COL15A1: variants seen among roughly 807,000 people sequenced by gnomAD.
COL15A1 encodes collagen type XV alpha 1 chain, also known as collagen alpha-1(XV) chain.
In COL15A1, 111 loss-of-function variants were observed where a neutral mutation model predicts 165.9. The ratio of observed to expected loss-of-function variants is 0.67; its 90% CI spans 0.57 to 0.78. The LOEUF (loss-of-function observed/expected upper bound fraction) is 0.78. Ranked by LOEUF, COL15A1 falls within the 30% of genes least tolerant of loss-of-function variation. The pLI is 0.00. For synonymous variants in COL15A1, 659 were observed against 674.8 expected (o/e 0.98, Z 0.36); for missense variants, 1,745 against 1,789.7 (o/e 0.98, Z 0.45).
chr9:99,015,378 G>A (rs1405552838), intron 9 of COL15A1, 39 bp from the exon 10 acceptor site: 6 of 1,530,834 alleles, frequency 3.9e-6, no homozygotes, highest in Non-Finnish European at 5.4e-6. Flanking sequence ...CAGGGGCATG[G>A]GCGAAGGGGC....
intron 2 of COL15A1, among the ~76,000 whole-genome samples, chr9:98,970,351 C>T (rs531962401): frequency 1.3e-5 from 2 of 152,334 alleles, no homozygotes; most frequent in African/African-American, 2.4e-5. Flanking sequence ...ACCCCAAGTC[C>T]ATAATTCTAG....
At chr9:99,022,636 A>C (rs1013681086) in intron 13 of COL15A1, among the ~76,000 whole-genome samples, 5 of 151,874 alleles carry the variant, frequency 3.3e-5, no homozygotes, top group Non-Finnish European at 7.4e-5. Context: ...CCCTTCCCCC[A>C]CACACATGTT....
chr9:98,955,952 G>C (rs1837769425), intron 2 of COL15A1, among the ~76,000 whole-genome samples: 1 of 152,238 alleles, frequency 6.6e-6, no homozygotes, highest in South Asian at 2.1e-4. Flanking sequence ...GCCAGGTCTA[G>C]AACCAGGTAT....
intron 21 of COL15A1, 90 bp downstream of exon 21, chr9:99,036,486 C>A: frequency 1.4e-6 from 2 of 1,395,400 alleles, no homozygotes; most frequent in Non-Finnish European, 2.0e-6. Context: ...AAGCTTCTGG[C>A]TATGCAGGAG....
At chr9:99,035,549 T>C (rs1357173384) in intron 19 of COL15A1, 131 bp downstream of exon 19, 2 of 1,079,204 alleles carry the variant, frequency 1.9e-6, no homozygotes, top group African/African-American at 1.6e-5. Flanking sequence ...CCCCCAACTG[T>C]GCAATAGGGA....
At position 99,004,778 on chromosome 9, in the gene COL15A1, T is replaced by C. The variant is rs975863188; in HGVS notation, c.1201-120T>C. On this transcript the variant is annotated intron_variant, in intron 8 of 41. Transcript: ENST00000375001. ...TCTGATGTCTCACTGTGGGTTTCCA[T>C]GTGAAGTGAGGTCTTGGTGTGCAGG... The C allele has an allele frequency of 1.5e-5, 16 of 1,086,248 alleles. No homozygotes were observed. The African/African-American group carries it at 1.9e-4, about 13-fold the overall frequency. The allele number at this position is 1,086,248 out of a possible 1,614,324, so 67.3% of individuals were successfully genotyped here.
At chr9:98,945,397 C>G (rs1837562529) in intron 2 of COL15A1, among the ~76,000 whole-genome samples, 1 of 152,236 alleles carries the variant, frequency 6.6e-6, no homozygotes. Flanking sequence ...TCAGCTCTTT[C>G]TCCATGCAGT....
chr9:99,049,234 T>G (rs1374027175), intron 28 of COL15A1, among the ~76,000 whole-genome samples: 1 of 152,224 alleles, frequency 6.6e-6, no homozygotes, highest in Non-Finnish European at 1.5e-5. Flanking sequence ...AACAAGAGTT[T>G]TGCATTTATG....
At chr9:99,013,899 TA>T (rs962511657) in intron 9 of COL15A1, among the ~76,000 whole-genome samples, 11 of 152,162 alleles carry the variant, frequency 7.2e-5, no homozygotes, top group Middle Eastern at 3.4e-3. Flanking sequence ...GAAGGAGGTA[TA>T]GGGCGGAAGA....
chr9:99,069,539 G>A, intron 41 of COL15A1, 134 bp from the exon 42 acceptor site: 1 of 1,150,114 alleles, frequency 8.7e-7, no homozygotes, highest in African/African-American at 1.6e-5. Flanking sequence ...CAAGGGCAAT[G>A]AGGATAGAGA....
chr9:99,045,538 C>G lies in COL15A1; in HGVS notation c.2679+768C>G, dbSNP rs138124925. Among the ~76,000 whole-genome samples the G allele has an allele frequency of 1.1e-3, 172 of 152,384 alleles. 1 individual carries two copies. Among genetic ancestry groups the G allele is most frequent in the African/African-American group, 3.9e-3 (163 of 41,596 alleles). On this transcript the variant is annotated intron_variant, in intron 26 of 41. Coordinates refer to ENST00000375001, the MANE Select transcript of COL15A1 (RefSeq NM_001855.5). ...ATTTCTCTCAAGGGCGAACCCTAAACTTACTTCCCTGTGTAGAACATTCTC... is the reference window on the plus strand; with the variant it reads ...ATTTCTCTCAAGGGCGAACCCTAAAGTTACTTCCCTGTGTAGAACATTCTC...
intron 6 of COL15A1, among the ~76,000 whole-genome samples, chr9:98,999,233 C>T (rs1268049236): frequency 6.6e-6 from 1 of 152,246 alleles, no homozygotes; most frequent in Non-Finnish European, 1.5e-5. Flanking sequence ...GGCCCGGGGA[C>T]AGGCTGACCT....
At chr9:99,062,179 T>C in intron 37 of COL15A1, 66 bp from the exon 38 acceptor site, 2 of 1,602,160 alleles carry the variant, frequency 1.2e-6, no homozygotes, top group Non-Finnish European at 1.7e-6. Context: ...ATGCCATTTT[T>C]TTCTGTTTTG....
chr9:99,065,838 T>C (rs1238743782), intron 39 of COL15A1, among the ~76,000 whole-genome samples: 1 of 151,110 alleles, frequency 6.6e-6, no homozygotes, highest in East Asian at 2.0e-4. Context: ...TCACTGTAGC[T>C]CATGGCCAGT....
chr9:99,005,032 C>CG lies in COL15A1; in HGVS notation c.1339dup (p.Glu447GlyfsTer10). The CG allele has an allele frequency of 6.2e-7, 1 of 1,610,126 alleles. No individual in the cohort carries two copies. Among genetic ancestry groups the CG allele is most frequent in the Non-Finnish European group, 8.5e-7 (1 of 1,178,074 alleles). On this transcript the variant is annotated frameshift_variant, in exon 9 of 42. Transcript: ENST00000375001. LOFTEE classifies it high-confidence loss of function. ...ACCTCTCCATGTCCGCCCAGAGCCTCGGGGAAGAGGCCACTGTGGTAAGGA... is the reference window on the plus strand; with the variant it reads ...ACCTCTCCATGTCCGCCCAGAGCCTCGGGGGAAGAGGCCACTGTGGTAAGGA...
At chr9:98,977,519 C>T (rs1322325051) in intron 2 of COL15A1, among the ~76,000 whole-genome samples, 3 of 152,240 alleles carry the variant, frequency 2.0e-5, no homozygotes, top group Non-Finnish European at 2.9e-5. Flanking sequence ...GGTCAGGGGT[C>T]GTCCCCTACC....
At chr9:99,014,954 G>A (rs541753222) in intron 9 of COL15A1, among the ~76,000 whole-genome samples, 122 of 152,280 alleles carry the variant, frequency 8.0e-4, no homozygotes, top group South Asian at 2.1e-3. Context: ...CGTGAGCAGA[G>A]GGGTGACTTT....
intron 16 of COL15A1, 78 bp downstream of exon 16, chr9:99,026,044 C>T: frequency 7.2e-7 from 1 of 1,381,344 alleles, no homozygotes; most frequent in Non-Finnish European, 9.8e-7. Flanking sequence ...TAAACCTGAC[C>T]TTGCCTCTTA....
chr9:99,015,950 T>C, intron 10 of COL15A1, 26 bp from the exon 11 acceptor site: 1 of 1,609,294 alleles, frequency 6.2e-7, no homozygotes, highest in Non-Finnish European at 8.5e-7. Flanking sequence ...GGTGAGGTGG[T>C]GCCTTAATGC....
Sources: allele counts gnomAD v4.1 joint callset (sites outside exome capture counted in the v4.1 genomes callset), GRCh38; gene constraint gnomAD v4.1.1; transcripts MANE v1.5; gene names NCBI Gene and HGNC (gene_info 2026-07-23, HGNC 2026-07-21).